The following DCDC2C variants were observed in gnomAD, a reference collection of about 807,000 sequenced individuals.
The protein encoded by DCDC2C is doublecortin domain-containing protein 2C.
DCDC2C carries 44 observed loss-of-function variants against 45.0 expected under a neutral mutation model. That is an observed-to-expected ratio of 0.98 (90% CI 0.77 to 1.26). The LOEUF (loss-of-function observed/expected upper bound fraction) is 1.26, where lower values mean the gene tolerates loss of function less well. Ranked by LOEUF, DCDC2C falls within the 50% of genes most tolerant of loss-of-function variation. DCDC2C has a pLI of 0.00. For missense variants in DCDC2C, 447 were observed against 468.9 expected (o/e 0.95, Z 0.43); for synonymous variants, 187 against 178.8 (o/e 1.05, Z -0.37).
At chr2:3,770,995 C>T (rs764741711) in intron 8 of DCDC2C, among the ~76,000 whole-genome samples, 1 of 152,208 alleles carries the variant, frequency 6.6e-6, no homozygotes, top group African/African-American at 2.4e-5. Flanking sequence ...CCAGGTAGGG[C>T]GAAGTCTCAG....
At chr2:3,785,310 G>T (rs1558226592) in intron 10 of DCDC2C, among the ~76,000 whole-genome samples, 2 of 152,158 alleles carry the variant, frequency 1.3e-5, no homozygotes, top group Non-Finnish European at 2.9e-5. Flanking sequence ...ATGGGTGGAT[G>T]GATCCTCAGG....
At chr2:3,831,097 C>A (rs1370011792) in intron 10 of DCDC2C, among the ~76,000 whole-genome samples, 3 of 152,094 alleles carry the variant, frequency 2.0e-5, no homozygotes, top group African/African-American at 7.2e-5. Flanking sequence ...GGACATATGA[C>A]TGCACCGAGA....
intron 2 of DCDC2C, among the ~76,000 whole-genome samples, chr2:3,716,841 G>A (rs1264118764): frequency 6.6e-6 from 1 of 152,118 alleles, no homozygotes; most frequent in African/African-American, 2.4e-5. Flanking sequence ...ATATTTTCAA[G>A]GTTCATCCAT....
At chr2:3,739,632 A>T (rs554010090) in intron 3 of DCDC2C, among the ~76,000 whole-genome samples, 3 of 152,240 alleles carry the variant, frequency 2.0e-5, no homozygotes, top group African/African-American at 7.2e-5. Context: ...GACTCCAGGG[A>T]AAAACCGTCT....
At chr2:3,718,237 G>A (rs1339011911) in intron 2 of DCDC2C, among the ~76,000 whole-genome samples, 1 of 152,180 alleles carries the variant, frequency 6.6e-6, no homozygotes, top group South Asian at 2.1e-4. Context: ...GGATCTTAGG[G>A]GCAGGTATTC....
At position 3,752,900 on chromosome 2, in the gene DCDC2C, A is replaced by G; in HGVS notation, c.683A>G (p.Gln228Arg). 1.9e-6 allele frequency: 3 copies of G among 1,550,476 alleles called. No homozygotes were observed. Among genetic ancestry groups the G allele is most frequent in the Non-Finnish European group, 2.6e-6 (3 of 1,146,936 alleles). The change falls in exon 5 of 11, where the codon CAA becomes CGA. Residue 228 changes from glutamine (Q) to arginine (R), a missense_variant and splice_region_variant. Physicochemically the swap from Gln to Arg is conservative, Grantham distance 43 (BLOSUM62 1). Coordinates refer to ENST00000399143, the MANE Select transcript of DCDC2C (RefSeq NM_001287444.2). ...KSPRVPSEVQ[Q>R]RYANVEKNSQ... ...CCAAGGGTGCCCAGTGAGGTCCAACAGTGAGCATGCTTCGTACCTTTCTTT... is the reference window on the plus strand; with the variant it reads ...CCAAGGGTGCCCAGTGAGGTCCAACGGTGAGCATGCTTCGTACCTTTCTTT...
intron 10 of DCDC2C, among the ~76,000 whole-genome samples, chr2:3,804,142 G>A (rs984217439): frequency 6.6e-6 from 1 of 151,930 alleles, no homozygotes; most frequent in Non-Finnish European, 1.5e-5. Context: ...TATTTCCCTG[G>A]TAGCCAGTGA....
chr2:3,785,035 C>A, intron 9 of DCDC2C, 24 bp from the exon 10 acceptor site: 1 of 1,229,588 alleles, frequency 8.1e-7, no homozygotes, highest in South Asian at 4.1e-5. Flanking sequence ...ATAGTTGATT[C>A]CTATATTTGT....
intron 3 of DCDC2C, among the ~76,000 whole-genome samples, chr2:3,738,540 G>GA (rs60799536): frequency 0.012 from 859 of 71,848 alleles, 55 homozygotes; most frequent in African/African-American, 0.014. Context: ...GTCTATCTGG[G>GA]AAAAAAAAAA....
intron 5 of DCDC2C, among the ~76,000 whole-genome samples, chr2:3,753,908 G>A (rs1669613619): frequency 1.3e-5 from 2 of 152,264 alleles, no homozygotes; most frequent in East Asian, 1.9e-4. Context: ...TGTATGCCTG[G>A]CACACATGGA....
intron 7 of DCDC2C, among the ~76,000 whole-genome samples, chr2:3,768,368 C>T (rs1187494266): frequency 6.6e-6 from 1 of 152,212 alleles, no homozygotes; most frequent in Non-Finnish European, 1.5e-5. Flanking sequence ...CTAACTCTCA[C>T]TGAGCTCTTA....
chr2:3,732,771 G>A (rs997772689), intron 3 of DCDC2C, among the ~76,000 whole-genome samples: 1 of 152,090 alleles, frequency 6.6e-6, no homozygotes, highest in Non-Finnish European at 1.5e-5. Context: ...GGTTTCAAAG[G>A]GGGGCCATTT....
At chr2:3,755,526 C>T (rs111206509) in intron 6 of DCDC2C, among the ~76,000 whole-genome samples, 4 of 147,234 alleles carry the variant, frequency 2.7e-5, no homozygotes, top group East Asian at 2.2e-4. Context: ...CATGCATGTG[C>T]GTATGTATGA....
chr2:3,723,092 A>G (rs980975163), intron 2 of DCDC2C, among the ~76,000 whole-genome samples: 2 of 152,170 alleles, frequency 1.3e-5, no homozygotes, highest in Non-Finnish European at 2.9e-5. Flanking sequence ...TTTTCAGAGC[A>G]TCAGAGCTGT....
chr2:3,817,868 G>A (rs1357726128), intron 10 of DCDC2C, among the ~76,000 whole-genome samples: 1 of 152,128 alleles, frequency 6.6e-6, no homozygotes, highest in Non-Finnish European at 1.5e-5. Context: ...TTTATATAAT[G>A]GTTTAGTCAG....
At chr2:3,827,962 C>T (rs1037201438) in intron 10 of DCDC2C, among the ~76,000 whole-genome samples, 1 of 152,076 alleles carries the variant, frequency 6.6e-6, no homozygotes, top group African/African-American at 2.4e-5. Context: ...TGACAATTTG[C>T]CCCAGAAAAA....
intron 1 of DCDC2C, among the ~76,000 whole-genome samples, chr2:3,706,969 A>G (rs1668079755): frequency 6.6e-6 from 1 of 152,218 alleles, no homozygotes; most frequent in Non-Finnish European, 1.5e-5. Flanking sequence ...AATGGAATGA[A>G]TGCAGTAGGG....
rs1420958981 is a variant in DCDC2C, at chr2:3,785,097, A to G, written c.1062A>G (p.Arg354=). The G allele has an allele frequency of 1.6e-6, 2 of 1,231,620 alleles. No homozygotes were observed. Among genetic ancestry groups the G allele is most frequent in the African/African-American group, 1.6e-5 (1 of 64,428 alleles). The allele number at this position is 1,231,620 out of a possible 1,614,324, so 76.3% of individuals were successfully genotyped here. A position where few individuals can be genotyped will look rare whatever the true frequency, so the allele number is the denominator to read the frequency against. ...EDARLCEDVE[R]KMAREWKPVD ...CAAGGCTTTGTGAAGACGTTGAAAG[A>G]AAGGTTTGTATCAACAACAAATGCT... Residue 354 remains arginine, a synonymous_variant, in exon 10 of 11, where the codon AGA becomes AGG. Coordinates refer to ENST00000399143, the MANE Select transcript of DCDC2C (RefSeq NM_001287444.2).
At chr2:3,760,334 T>C (rs560355857) in intron 6 of DCDC2C, among the ~76,000 whole-genome samples, 1 of 152,374 alleles carries the variant, frequency 6.6e-6, no homozygotes, top group African/African-American at 2.4e-5. Flanking sequence ...ACTGGGTATA[T>C]ACCCAAAGGA....
Sources: gnomAD v4.1 joint callset for allele counts (sites outside exome capture counted in the v4.1 genomes callset) on GRCh38, gnomAD v4.1.1 for gene constraint, MANE v1.5 for transcripts, NCBI Gene and HGNC (gene_info 2026-07-23, HGNC 2026-07-21) for gene names.